The following DPY19L1 variants were observed in gnomAD, a reference collection of about 807,000 sequenced individuals.
DPY19L1 encodes protein C-mannosyl-transferase DPY19L1.
A neutral mutation model predicts 96.9 loss-of-function variants in DPY19L1; 35 were observed. That is an observed-to-expected ratio of 0.36 (90% CI 0.28 to 0.48). The LOEUF is 0.48. Among genes scored for constraint, DPY19L1 ranks in the 20% least tolerant of loss-of-function variants. DPY19L1 has a pLI of 0.99. For missense variants in DPY19L1, 521 were observed against 777.9 expected, an observed-to-expected ratio of 0.67 and a Z score of 3.93; for synonymous variants, 205 against 252.6, an observed-to-expected ratio of 0.81 and a Z score of 1.79.
At chr7:34,982,251 G>A (rs1440001536) in intron 7 of DPY19L1, among the ~76,000 whole-genome samples, 1 of 152,178 alleles carries the variant, frequency 6.6e-6, no homozygotes, top group African/African-American at 2.4e-5. Flanking sequence ...GTAATTATTA[G>A]TGTTAAATTT....
At chr7:34,935,739 G>A (rs1167900116) in intron 21 of DPY19L1, among the ~76,000 whole-genome samples, 4 of 152,302 alleles carry the variant, frequency 2.6e-5, no homozygotes, top group South Asian at 2.1e-4. Context: ...GAAGGCCAAG[G>A]AAATAAGGAA....
At chr7:35,018,504 A>G in intron 2 of DPY19L1, 68 bp downstream of exon 2, 1 of 1,371,200 alleles carries the variant, frequency 7.3e-7, no homozygotes, top group South Asian at 1.2e-5. Context: ...CTTTAAATGT[A>G]TGGGAAATAG....
At chr7:34,939,169 G>T in intron 20 of DPY19L1, 107 bp downstream of exon 20, 1 of 964,838 alleles carries the variant, frequency 1.0e-6, no homozygotes, top group Non-Finnish European at 1.5e-6. Context: ...ATAAGCCTCA[G>T]TTCATCATAT....
At chr7:34,947,523 C>T (rs1303472821) in intron 15 of DPY19L1, 107 bp downstream of exon 15, 3 of 806,404 alleles carry the variant, frequency 3.7e-6, no homozygotes, top group Non-Finnish European at 6.0e-6. Flanking sequence ...TACAGTAAGC[C>T]CATACAAAAC....
chr7:35,017,067 G>A (rs1449116327), intron 3 of DPY19L1, among the ~76,000 whole-genome samples: 3 of 151,206 alleles, frequency 2.0e-5, no homozygotes, highest in Non-Finnish European at 2.9e-5. Flanking sequence ...ATTATATTAA[G>A]GATATTGTTA....
intron 13 of DPY19L1, 115 bp from the exon 14 acceptor site, chr7:34,950,013 C>T: frequency 1.9e-6 from 1 of 524,916 alleles, no homozygotes; most frequent in South Asian, 2.5e-5. Context: ...TGTTCCCACA[C>T]CAAGCCTGCT....
At position 34,999,999 on chromosome 7, in the gene DPY19L1, G is replaced by A. The variant is rs148706904; in HGVS notation, c.765-10058C>T. Reference sequence around the variant, plus strand: ...GGTGGGGAAGACAGATGGGGCAAGGGACCACTGACGTACTTGATTATAAAA... The same window carrying A: ...GGTGGGGAAGACAGATGGGGCAAGGAACCACTGACGTACTTGATTATAAAA... On this transcript the variant is annotated intron_variant, in intron 6 of 21. Transcript: ENST00000638088. Among the ~76,000 whole-genome samples, 558 of 152,234 alleles carry A rather than the reference G, an allele frequency of 3.7e-3. 2 individuals are homozygous for A. Among genetic ancestry groups the A allele is most frequent in the Non-Finnish European group, 5.7e-3 (388 of 68,016 alleles).
At chr7:35,018,311 ATCTC>A (rs1040134157) in intron 2 of DPY19L1, among the ~76,000 whole-genome samples, 2 of 152,194 alleles carry the variant, frequency 1.3e-5, no homozygotes, top group Admixed American at 6.5e-5. Flanking sequence ...AAATAAATTA[ATCTC>A]TCTCTCACCA....
intron 7 of DPY19L1, among the ~76,000 whole-genome samples, chr7:34,983,162 T>C (rs1784976575): frequency 6.6e-6 from 1 of 152,170 alleles, no homozygotes; most frequent in South Asian, 2.1e-4. Context: ...TAAAAGATGT[T>C]CCCTTTTTAG....
At position 34,958,029 on chromosome 7, in the gene DPY19L1, T is replaced by A. The variant is rs775487183; in HGVS notation, c.1134A>T (p.Ser378=). The A allele has an allele frequency of 1.3e-6, 2 of 1,587,470 alleles. No homozygotes were observed. Among genetic ancestry groups the A allele is most frequent in the South Asian group, 2.4e-5 (2 of 85,008 alleles). The change falls in exon 11 of 22, where the codon TCA becomes TCT. Residue 378 remains serine, a synonymous_variant. Coordinates refer to ENST00000638088, the MANE Select transcript of DPY19L1 (RefSeq NM_001366673.1). Reference sequence around the variant, plus strand: ...AAGCATAATAAGAAGTTAATAACATTGAGTTCCCAAACATCAAAACAAAAC... The same window carrying A: ...AAGCATAATAAGAAGTTAATAACATAGAGTTCCCAAACATCAAAACAAAAC... ...ALCFVLMFGN[S]MLLTSYYASS...
intron 6 of DPY19L1, among the ~76,000 whole-genome samples, chr7:35,007,416 G>A (rs987574970): frequency 1.3e-5 from 2 of 152,212 alleles, no homozygotes; most frequent in African/African-American, 4.8e-5. Context: ...AATGGGCAGA[G>A]TGAAACAAGC....
chr7:35,036,074 T>G (rs1361638279), intron 1 of DPY19L1, among the ~76,000 whole-genome samples: 1 of 152,216 alleles, frequency 6.6e-6, no homozygotes, highest in Admixed American at 6.5e-5. Flanking sequence ...TGGCTTTTTA[T>G]GACTGAGTGG....
intron 8 of DPY19L1, among the ~76,000 whole-genome samples, chr7:34,970,456 A>T (rs1289541730): frequency 6.6e-6 from 1 of 152,236 alleles, no homozygotes; most frequent in Non-Finnish European, 1.5e-5. Flanking sequence ...CAGCAGAGTG[A>T]AACAGAATAT....
intron 1 of DPY19L1, among the ~76,000 whole-genome samples, chr7:35,019,062 G>A (rs1209936027): frequency 6.6e-6 from 1 of 152,086 alleles, no homozygotes; most frequent in Admixed American, 6.6e-5. Flanking sequence ...AAAATGAAAT[G>A]AGTAAAGGAG....
intron 6 of DPY19L1, among the ~76,000 whole-genome samples, chr7:34,991,083 A>T (rs1213106218): frequency 6.6e-6 from 1 of 152,246 alleles, no homozygotes; most frequent in East Asian, 1.9e-4. Flanking sequence ...AAGACTGCAT[A>T]TTAGTGGTAA....
intron 1 of DPY19L1, among the ~76,000 whole-genome samples, chr7:35,036,555 A>C (rs1316494139): frequency 1.3e-5 from 2 of 152,136 alleles, no homozygotes; most frequent in Non-Finnish European, 2.9e-5. Context: ...CAACCTAGAA[A>C]GTGACGTGTC....
At chr7:34,933,777 G>A (rs1288388765) in intron 21 of DPY19L1, among the ~76,000 whole-genome samples, 2 of 152,160 alleles carry the variant, frequency 1.3e-5, no homozygotes, top group Non-Finnish European at 2.9e-5. Flanking sequence ...TACACCAGTG[G>A]TTTGCCAGGG....
chr7:35,015,275 C>T (rs936984930), intron 3 of DPY19L1, among the ~76,000 whole-genome samples: 4 of 152,084 alleles, frequency 2.6e-5, no homozygotes, highest in Non-Finnish European at 5.9e-5. Flanking sequence ...TTTCAAGTAA[C>T]ATTAAGATAC....
At position 34,934,972 on chromosome 7, in the gene DPY19L1, A is replaced by G. The variant is rs185612803; in HGVS notation, c.2090+3022T>C. Reference sequence around the variant, plus strand: ...TTTCTTACCTTCCCTTCATCAAACTATCCCCTAGAAATGTTTTGCCAGTGA... The same window carrying G: ...TTTCTTACCTTCCCTTCATCAAACTGTCCCCTAGAAATGTTTTGCCAGTGA... On this transcript the variant is annotated intron_variant, in intron 21 of 21. Coordinates refer to ENST00000638088, the MANE Select transcript of DPY19L1 (RefSeq NM_001366673.1). 1.3e-3 allele frequency among the ~76,000 whole-genome samples: 200 copies of G among 152,208 alleles called. 1 individual carries two copies. The highest frequency in any genetic ancestry group is 4.6e-3 in the African/African-American group (191 of 41,518).
Sources: gnomAD v4.1 joint callset for allele counts (sites outside exome capture counted in the v4.1 genomes callset) on GRCh38, gnomAD v4.1.1 for gene constraint, MANE v1.5 for transcripts, NCBI Gene and HGNC (gene_info 2026-07-23, HGNC 2026-07-21) for gene names.